The following FILIP1 variants were observed in gnomAD, a reference collection of about 807,000 sequenced individuals.
FILIP1 encodes filamin A interacting protein 1.
In FILIP1, 61 loss-of-function variants were observed where a neutral mutation model predicts 102.1. The ratio of observed to expected loss-of-function variants is 0.60; its 90% CI spans 0.49 to 0.74. The LOEUF is 0.74. Ranked by LOEUF, FILIP1 falls within the 30% of genes least tolerant of loss-of-function variation. The pLI, the probability that FILIP1 is intolerant of heterozygous loss-of-function variation, is 0.00. For synonymous variants in FILIP1, 491 were observed against 526.9 expected, an observed-to-expected ratio of 0.93 and a Z score of 0.93; for missense variants, 1,314 against 1,441.2, an observed-to-expected ratio of 0.91 and a Z score of 1.43.
intron 2 of FILIP1, among the ~76,000 whole-genome samples, chr6:75,366,858 A>T (rs761766595): frequency 1.7e-4 from 26 of 152,228 alleles, no homozygotes; most frequent in Non-Finnish European, 3.8e-4. Context: ...TCAAAATCAG[A>T]GCAGTCTCTC....
At chr6:75,483,647 G>A (rs1423899696) in intron 1 of FILIP1, among the ~76,000 whole-genome samples, 6 of 152,112 alleles carry the variant, frequency 3.9e-5, no homozygotes, top group Admixed American at 3.9e-4. Context: ...GAAAATAGAG[G>A]GGAAGGCAAG....
chr6:75,312,396 C>G lies in FILIP1; in HGVS notation c.3435+1G>C. 1.2e-6 allele frequency: 2 copies of G among 1,612,008 alleles called. No individual in the cohort carries two copies. The highest frequency in any genetic ancestry group is 1.7e-6 in the Non-Finnish European group (2 of 1,178,872). ...TGCGCTTTGGAGCCTCTTCTACTCA[C>G]CACTGACTGGGTTCCTCGAGCAGAT... On this transcript the variant is annotated splice_donor_variant, in intron 5 of 5. Transcript: ENST00000237172. LOFTEE classifies it high-confidence loss of function.
chr6:75,441,002 A>G (rs945738823), intron 1 of FILIP1, among the ~76,000 whole-genome samples: 5 of 106,176 alleles, frequency 4.7e-5, no homozygotes, highest in Non-Finnish European at 9.9e-5. Context: ...TTTTTTTTTT[A>G]TTGATCATTC....
chr6:75,459,348 G>A (rs1778944059), intron 1 of FILIP1, among the ~76,000 whole-genome samples: 2 of 152,054 alleles, frequency 1.3e-5, no homozygotes, highest in South Asian at 4.2e-4. Context: ...TGAATTGTTG[G>A]CAGGATTGGA....
chr6:75,493,277 G>C (rs571878511), intron 1 of FILIP1, 137 bp downstream of exon 1: 3 of 152,194 alleles, frequency 2.0e-5, no homozygotes, highest in African/African-American at 7.2e-5. Flanking sequence ...AATGGTTATC[G>C]TAACTTCTAA....
At chr6:75,400,200 A>G (rs1197478919) in intron 2 of FILIP1, among the ~76,000 whole-genome samples, 1 of 152,184 alleles carries the variant, frequency 6.6e-6, no homozygotes, top group East Asian at 1.9e-4. Context: ...GCTATGCTGA[A>G]GGTTCCACCA....
intron 1 of FILIP1, among the ~76,000 whole-genome samples, chr6:75,486,046 A>G (rs544743333): frequency 2.0e-5 from 3 of 151,858 alleles, no homozygotes; most frequent in African/African-American, 7.2e-5. Flanking sequence ...TTGAAGAAGT[A>G]TTGCTACCAA....
At chr6:75,394,432 TCTGA>T in intron 2 of FILIP1, among the ~76,000 whole-genome samples, 1 of 152,120 alleles carries the variant, frequency 6.6e-6, no homozygotes, top group Non-Finnish European at 1.5e-5. Flanking sequence ...AAAATTGATG[TCTGA>T]CTAATAATAG....
chr6:75,321,195 A>T (rs1199404768), intron 4 of FILIP1, among the ~76,000 whole-genome samples: 3 of 152,064 alleles, frequency 2.0e-5, no homozygotes, highest in Admixed American at 6.6e-5. Flanking sequence ...ATTGTGAGTC[A>T]TTGTGCCCAG....
chr6:75,473,479 A>AGTTG (rs2149767373), intron 1 of FILIP1, among the ~76,000 whole-genome samples: 1 of 152,288 alleles, frequency 6.6e-6, no homozygotes, highest in East Asian at 1.9e-4. Flanking sequence ...ATCCAACTAA[A>AGTTG]GAAACACGAG....
At chr6:75,405,526 G>A (rs1057332305) in intron 2 of FILIP1, among the ~76,000 whole-genome samples, 2 of 152,024 alleles carry the variant, frequency 1.3e-5, no homozygotes, top group Non-Finnish European at 2.9e-5. Flanking sequence ...TAAAGTTTCC[G>A]TGCTGCAAAA....
Position 75,313,166 on chromosome 6 carries a change from C to T in FILIP1, c.2666G>A (p.Arg889Gln), listed in dbSNP as rs144188799. 3.7e-5 allele frequency: 60 copies of T among 1,613,978 alleles called. No homozygotes were observed. Among genetic ancestry groups the T allele is most frequent in the Middle Eastern group, 1.6e-4 (1 of 6,084 alleles). Reference protein sequence around the residue: ...GPSITQEKGPRTNSSPGHPGE... With the variant: ...GPSITQEKGPQTNSSPGHPGE... ...TGGGTGCCCTGGACTGGAATTTGTT[C>T]GGGGCCCTTTCTCCTGAGTGATGGA... The change falls in exon 5 of 6, where the codon CGA (arginine) becomes CAA (glutamine). Residue 889 changes from arginine (R) to glutamine (Q), a missense_variant. Arg to Gln is a conservative substitution (Grantham distance 43). Transcript: ENST00000237172. This position sits in a 1 kb window ranked among gnomAD's most constrained non-coding sequence, Gnocchi z 4.2.
chr6:75,339,007 TA>T (rs1281651197), intron 4 of FILIP1, among the ~76,000 whole-genome samples: 2 of 152,232 alleles, frequency 1.3e-5, no homozygotes, highest in Non-Finnish European at 2.9e-5. Flanking sequence ...ATTTCTGACA[TA>T]AAGAACATCT....
At chr6:75,484,114 A>C (rs185920013) in intron 1 of FILIP1, among the ~76,000 whole-genome samples, 1 of 152,284 alleles carries the variant, frequency 6.6e-6, no homozygotes, top group African/African-American at 2.4e-5. Context: ...ACTCTTGTAC[A>C]GAACTGAGGT....
chr6:75,418,941 C>G (rs1777360847), intron 1 of FILIP1, among the ~76,000 whole-genome samples: 1 of 152,086 alleles, frequency 6.6e-6, no homozygotes, highest in African/African-American at 2.4e-5. Context: ...AAATGTTATT[C>G]TGAGCCTCCC....
At chr6:75,470,281 G>C (rs1779293782) in intron 1 of FILIP1, among the ~76,000 whole-genome samples, 2 of 152,194 alleles carry the variant, frequency 1.3e-5, no homozygotes, top group South Asian at 4.1e-4. Context: ...TTTTTAAAAT[G>C]TAATTGGGAA....
chr6:75,453,032 G>T (rs1778690018), intron 1 of FILIP1, among the ~76,000 whole-genome samples: 2 of 152,194 alleles, frequency 1.3e-5, no homozygotes, highest in Admixed American at 6.5e-5. Flanking sequence ...GTAATTTCCA[G>T]CAAGGCAAGG....
At position 75,312,617 on chromosome 6, in the gene FILIP1, C is replaced by T; in HGVS notation, c.3215G>A (p.Gly1072Glu). ...TEDNKIHIHL[G>E]SQFKRSPGTS... ...CCCAGGGGACCGTTTAAACTGAGAC[C>T]CTAAGTGAATGTGAATTTTATTGTC... is the stretch of plus-strand genomic sequence containing the variant. Residue 1072 changes from glycine (G) to glutamate (E), a missense_variant, in exon 5 of 6, where the codon GGG becomes GAG. Transcript: ENST00000237172. 6.2e-7 allele frequency: 1 copy of T among 1,614,072 alleles called. No homozygotes were observed.
downstream of FILIP1, among the ~76,000 whole-genome samples, chr6:75,304,050 T>C (rs1386693798): frequency 6.6e-6 from 1 of 152,026 alleles, no homozygotes; most frequent in Non-Finnish European, 1.5e-5. Flanking sequence ...GTTTGGCAAG[T>C]CTAATGGAGC....
Sources: allele counts gnomAD v4.1 joint callset (sites outside exome capture counted in the v4.1 genomes callset), GRCh38; gene constraint gnomAD v4.1.1; non-coding constraint Gnocchi (gnomAD v3.1); transcripts MANE v1.5; gene names NCBI Gene and HGNC (gene_info 2026-07-23, HGNC 2026-07-21).